Variants in DPP6 observed in about 807,000 individuals in gnomAD.
DPP6 encodes dipeptidyl peptidase like 6, also known as A-type potassium channel modulatory protein DPP6.
Under a neutral mutation model 122.6 loss-of-function variants are expected in DPP6, and 69 were observed. The ratio of observed to expected loss-of-function variants is 0.56; its 90% CI spans 0.46 to 0.69. The LOEUF (loss-of-function observed/expected upper bound fraction) is 0.69, where lower values mean the gene tolerates loss of function less well. Among genes scored for constraint, DPP6 ranks in the 30% least tolerant of loss-of-function variants. The pLI, the probability that DPP6 is intolerant of heterozygous loss-of-function variation, is 0.00. For missense variants in DPP6, 928 were observed against 1,116.9 expected, an observed-to-expected ratio of 0.83 and a Z score of 2.41; for synonymous variants, 418 against 433.1, an observed-to-expected ratio of 0.97 and a Z score of 0.43.
At chr7:154,249,693 T>C (rs1263640625) in intron 1 of DPP6, among the ~76,000 whole-genome samples, 1 of 152,144 alleles carries the variant, frequency 6.6e-6, no homozygotes, top group Non-Finnish European at 1.5e-5. Context: ...TTCTTGAGAA[T>C]GTGTACAATG....
chr7:154,681,589 G>A (rs1340488812), intron 7 of DPP6, among the ~76,000 whole-genome samples: 5 of 152,294 alleles, frequency 3.3e-5, no homozygotes, highest in South Asian at 4.1e-4. Flanking sequence ...CGGTCGCCTC[G>A]GGTAGGGCGG....
At chr7:154,698,819 CT>C (rs1840358866) in intron 7 of DPP6, among the ~76,000 whole-genome samples, 1 of 152,238 alleles carries the variant, frequency 6.6e-6, no homozygotes, top group South Asian at 2.1e-4. Context: ...AGCGGAGCCC[CT>C]GATGCCCATG....
At chr7:153,776,721 G>A in the DPP6 span, among the ~76,000 whole-genome samples, 1 of 152,106 alleles carries the variant, frequency 6.6e-6, no homozygotes, top group Non-Finnish European at 1.5e-5. Context: ...ATGGTGCTGG[G>A]AAGACGGGAC....
At chr7:153,930,790 A>G (rs1801135928) in intron 1 of DPP6, among the ~76,000 whole-genome samples, 1 of 152,130 alleles carries the variant, frequency 6.6e-6, no homozygotes, top group Admixed American at 6.5e-5. Flanking sequence ...AGGACCTGGG[A>G]TATGTTGTAA....
At chr7:153,850,495 T>A in the DPP6 span, among the ~76,000 whole-genome samples, 3 of 152,222 alleles carry the variant, frequency 2.0e-5, no homozygotes, top group African/African-American at 7.2e-5. Context: ...TCTTCCATAT[T>A]CTATTGGTTA....
rs76880482 is a variant in DPP6, at chr7:154,877,790, C to T, written c.2078+1690C>T. Among the ~76,000 whole-genome samples the T allele has an allele frequency of 0.042, 6,351 of 152,288 alleles. 191 individuals are homozygous for T. Among genetic ancestry groups the T allele is most frequent in the Non-Finnish European group, 0.069 (4,677 of 68,000 alleles). ...CACCAGTGAGACAGGTGCAGGCAGC[C>T]CCCCCAGAGACCAAGTGGGTCCGTC... On this transcript the variant is annotated intron_variant, in intron 20 of 25. Coordinates refer to ENST00000377770, the MANE Select transcript of DPP6 (RefSeq NM_130797.4). This position sits in a 1 kb window ranked among gnomAD's most constrained non-coding sequence, Gnocchi z 5.2.
chr7:154,355,009 T>C (rs1264901564), intron 1 of DPP6, among the ~76,000 whole-genome samples: 1 of 152,202 alleles, frequency 6.6e-6, no homozygotes, highest in Non-Finnish European at 1.5e-5. Context: ...TCTCCTCACC[T>C]GCCCTTGGGA....
chr7:154,009,727 T>C (rs1451325685), intron 1 of DPP6, among the ~76,000 whole-genome samples: 2 of 151,154 alleles, frequency 1.3e-5, no homozygotes, highest in Non-Finnish European at 2.9e-5. Context: ...CAGCATGAAG[T>C]AGCTAGATTC....
chr7:154,298,279 C>T (rs1053458993), intron 1 of DPP6, among the ~76,000 whole-genome samples: 2 of 151,944 alleles, frequency 1.3e-5, no homozygotes, highest in African/African-American at 2.4e-5. Flanking sequence ...CACACACACA[C>T]ATACACACAC....
Position 154,464,209 on chromosome 7 carries a change from C to A in DPP6, c.359-10730C>A, listed in dbSNP as rs1821588635. On this transcript the variant is annotated intron_variant, in intron 2 of 25. Transcript: ENST00000377770. Reference sequence around the variant, plus strand: ...GTCCGTGGGAATTGACTGAGTTCTGCCTAGCGTTGCTTTACTCTGTGACAA... The same window carrying A: ...GTCCGTGGGAATTGACTGAGTTCTGACTAGCGTTGCTTTACTCTGTGACAA... Among the ~76,000 whole-genome samples the A allele has an allele frequency of 4.6e-5, 7 of 152,288 alleles. No homozygotes were observed. In the South Asian group the frequency reaches 1.2e-3, roughly 27 times the overall value.
chr7:154,580,585 A>T (rs930603917), intron 5 of DPP6, among the ~76,000 whole-genome samples: 6 of 152,164 alleles, frequency 3.9e-5, no homozygotes, highest in African/African-American at 1.2e-4. Context: ...CATGTGGTGT[A>T]GATGATGTCA....
In DPP6 at chr7:154,328,353, C is replaced by T. The variant is rs185323447; in HGVS notation, c.244-117861C>T. ...CTGGAATCGACATGAAGCTACATCC[C>T]GAAGCAGGGAAGTAACGACGGGCCT... On this transcript the variant is annotated intron_variant, in intron 1 of 25. Coordinates refer to ENST00000377770, the MANE Select transcript of DPP6 (RefSeq NM_130797.4). Among the ~76,000 whole-genome samples, 42 of 152,208 alleles carry T rather than the reference C, an allele frequency of 2.8e-4. 1 individual carries two copies. In the East Asian group the frequency reaches 4.4e-3, roughly 16 times the overall value.
intron 16 of DPP6, among the ~76,000 whole-genome samples, chr7:154,822,075 G>A (rs79765440): frequency 1.3e-5 from 2 of 151,264 alleles, no homozygotes; most frequent in African/African-American, 4.9e-5. Context: ...TCACATCCTC[G>A]CTCCCTCCTT....
intron 16 of DPP6, among the ~76,000 whole-genome samples, chr7:154,819,430 T>C (rs1477614089): frequency 7.8e-6 from 1 of 127,704 alleles, no homozygotes; most frequent in Admixed American, 7.7e-5. Flanking sequence ...AATAAATAAA[T>C]TAATTAATTA....
intron 1 of DPP6, among the ~76,000 whole-genome samples, chr7:153,953,095 C>A (rs1423585509): frequency 1.3e-5 from 2 of 152,140 alleles, no homozygotes; most frequent in African/African-American, 2.4e-5. Flanking sequence ...AGATAGTTCA[C>A]CATGTATTCC....
chr7:154,034,183 A>G (rs1396298362), intron 1 of DPP6, among the ~76,000 whole-genome samples: 1 of 152,184 alleles, frequency 6.6e-6, no homozygotes, highest in African/African-American at 2.4e-5. Flanking sequence ...AAATAGTACA[A>G]CCTAATTTTT....
chr7:154,149,866 C>T lies in DPP6; in HGVS notation c.243+96803C>T, dbSNP rs562328753. ...CCCCCGCTCCAGTGGTACCCTCCCCCGCCCCCGGCATGGGCAGCTCAGACC... is the reference window on the plus strand; with the variant it reads ...CCCCCGCTCCAGTGGTACCCTCCCCTGCCCCCGGCATGGGCAGCTCAGACC... On this transcript the variant is annotated intron_variant, in intron 1 of 25. Transcript: ENST00000377770. Among the ~76,000 whole-genome samples, 294 of 152,196 alleles carry T rather than the reference C, an allele frequency of 1.9e-3. 1 individual carries two copies. Among genetic ancestry groups the T allele is most frequent in the Non-Finnish European group, 2.6e-3 (179 of 68,022 alleles).
intron 1 of DPP6, among the ~76,000 whole-genome samples, chr7:154,313,813 CAATA>C (rs1807183920): frequency 6.7e-6 from 1 of 148,606 alleles, no homozygotes; most frequent in African/African-American, 2.5e-5. Flanking sequence ...TAGGAAGACT[CAATA>C]TAATTATTAA....
intron 1 of DPP6, chr7:154,305,352 C>T (rs1585880327): frequency 2.9e-6 from 3 of 1,022,522 alleles, no homozygotes; most frequent in Non-Finnish European, 3.5e-6. Flanking sequence ...CCTCCCTCCC[C>T]CATCCTCCCC....
Sources: gnomAD v4.1 joint callset for allele counts (sites outside exome capture counted in the v4.1 genomes callset) on GRCh38, gnomAD v4.1.1 for gene constraint, Gnocchi (gnomAD v3.1) non-coding constraint, MANE v1.5 for transcripts, NCBI Gene and HGNC (gene_info 2026-07-23, HGNC 2026-07-21) for gene names.